Variants in COQ4 observed in about 807,000 individuals in gnomAD.
COQ4 encodes the protein ubiquinone biosynthesis protein COQ4 homolog, mitochondrial.
COQ4 carries 36 observed loss-of-function variants against 30.2 expected under a neutral mutation model. The observed-to-expected ratio is 1.19, with a 90% CI of 0.91 to 1.57. The LOEUF (loss-of-function observed/expected upper bound fraction) is 1.57, where lower values mean the gene tolerates loss of function less well. Among genes scored for constraint, COQ4 ranks in the 40% most tolerant of loss-of-function variants. The pLI is 0.00. For missense variants in COQ4, 369 were observed against 371.9 expected (o/e 0.99, Z 0.07); for synonymous variants, 197 against 161.0 (o/e 1.22, Z -1.69).
chr9:128,325,307 T>C (rs1413263833), intron 3 of COQ4, 68 bp downstream of exon 3: 5 of 1,124,536 alleles, frequency 4.4e-6, no homozygotes, highest in Non-Finnish European at 6.5e-6. Context: ...TAGAATCACA[T>C]TGTGTTTGTT....
intron 2 of COQ4, among the ~76,000 whole-genome samples, chr9:128,324,104 C>T (rs1832274517): frequency 6.6e-6 from 1 of 152,126 alleles, no homozygotes; most frequent in African/African-American, 2.4e-5. Flanking sequence ...GTGCCTCAGC[C>T]TCCTGAGTAG....
intron 5 of COQ4, 72 bp downstream of exon 5, chr9:128,332,354 C>A: frequency 2.0e-6 from 3 of 1,529,564 alleles, no homozygotes; most frequent in Non-Finnish European, 1.8e-6. Context: ...TTGCCTATCT[C>A]CACCACCCTC....
In COQ4 at chr9:128,333,323, G is replaced by A. The variant is rs75150331; in HGVS notation, c.627-151G>A. ...TTTGGGCTTGAGATTCCACCTCACT[G>A]AGCTCTGTTGCCTCATCTAAAAAGC... is the stretch of plus-strand genomic sequence containing the variant. On this transcript the variant is annotated intron_variant, in intron 6 of 6. Transcript: ENST00000300452. 4,378 of 654,794 alleles carry A rather than the reference G, an allele frequency of 6.7e-3. 39 individuals are homozygous for A. The highest frequency in any genetic ancestry group is 0.034 in the Middle Eastern group (81 of 2,370). 40.6% of individuals were successfully genotyped at this position (654,794 alleles called of 1,614,324 possible).
chr9:128,329,158 C>T (rs1025624555), intron 4 of COQ4, among the ~76,000 whole-genome samples: 3 of 152,144 alleles, frequency 2.0e-5, no homozygotes, highest in African/African-American at 7.2e-5. Context: ...CTTTACAAGC[C>T]TGGACAAATC....
At chr9:128,332,625 C>A in intron 5 of COQ4, 1 of 596,654 alleles carries the variant, frequency 1.7e-6, no homozygotes, top group African/African-American at 1.9e-5. Context: ...TCCTCTGCGC[C>A]CTGACCCCAG....
intron 4 of COQ4, among the ~76,000 whole-genome samples, chr9:128,328,164 G>A (rs190245286): frequency 4.9e-4 from 75 of 152,382 alleles, no homozygotes; most frequent in Middle Eastern, 3.4e-3. Context: ...GCTGGAAGGG[G>A]AGCCAGGGCT....
At chr9:128,332,498 A>G in intron 5 of COQ4, 1 of 605,310 alleles carries the variant, frequency 1.7e-6, no homozygotes, top group South Asian at 2.0e-5. Flanking sequence ...GCCCATCTTC[A>G]AGGCTCCTGG....
At position 128,325,176 on chromosome 9, in the gene COQ4, A is replaced by G; in HGVS notation, c.236A>G (p.His79Arg). 5.6e-6 allele frequency: 9 copies of G among 1,614,158 alleles called. No homozygotes were observed. The highest frequency in any genetic ancestry group is 7.6e-6 in the Non-Finnish European group (9 of 1,179,994). ...GCAGTTCTAGGGGAGACCACAGGACACCGCACCCTGAAGGTCCTCAGGGAC... is the reference window on the plus strand; with the variant it reads ...GCAGTTCTAGGGGAGACCACAGGACGCCGCACCCTGAAGGTCCTCAGGGAC... ...MVAVLGETTG[H>R]RTLKVLRDQM... is the part of the protein sequence containing the mutation. The change falls in exon 3 of 7, where the codon CAC (histidine) becomes CGC (arginine). Residue 79 changes from histidine (H) to arginine (R), a missense_variant. His to Arg is a conservative substitution (Grantham distance 29). Transcript: ENST00000300452.
chr9:128,323,932 G>A (rs1832269937), intron 2 of COQ4, among the ~76,000 whole-genome samples: 1 of 152,122 alleles, frequency 6.6e-6, no homozygotes, highest in African/African-American at 2.4e-5. Context: ...GCGACAGAGC[G>A]AGACCCTGTC....
chr9:128,323,134 C>T lies in COQ4; in HGVS notation c.189C>T (p.Asn63=), dbSNP rs773917013. The part of the protein sequence containing the change: ...AAGSAAMALY[N]PYRHDMVAVL... The stretch of plus-strand genomic sequence containing the variant: ...GCTCCGCGGCGATGGCGCTCTATAA[C>T]CCCTACCGCCACGGTAAGGCCGCCC... The change falls in exon 2 of 7, where the codon AAC becomes AAT. Residue 63 remains asparagine, a synonymous_variant. Transcript: ENST00000300452. 4.4e-6 allele frequency: 7 copies of T among 1,603,170 alleles called. No individual in the cohort carries two copies. Among genetic ancestry groups the T allele is most frequent in the Non-Finnish European group, 5.9e-6 (7 of 1,176,774 alleles).
intron 2 of COQ4, 149 bp from the exon 3 acceptor site, chr9:128,324,994 G>C (rs1832292888): frequency 6.6e-6 from 4 of 601,842 alleles, no homozygotes; most frequent in Middle Eastern, 2.6e-4. Flanking sequence ...TTGTGTGCTG[G>C]GTAATTTGCT....
chr9:128,327,853 G>A (rs2131227691), intron 4 of COQ4, among the ~76,000 whole-genome samples: 1 of 152,306 alleles, frequency 6.6e-6, no homozygotes, highest in East Asian at 1.9e-4. Flanking sequence ...GGATACAGTG[G>A]ACAAAACCAG....
At chr9:128,324,356 C>T (rs191473326) in intron 2 of COQ4, among the ~76,000 whole-genome samples, 2 of 152,152 alleles carry the variant, frequency 1.3e-5, no homozygotes, top group Admixed American at 6.5e-5. Flanking sequence ...AACTCTTGGC[C>T]TCAAGTGATC....
rs1437205038 is a variant in COQ4 at position 128,333,622 on chromosome 9, A to G, written c.775A>G (p.Met259Val). The G allele has an allele frequency of 2.5e-6, 4 of 1,583,764 alleles. No individual in the cohort carries two copies. The highest frequency in any genetic ancestry group is 2.7e-5 in the African/African-American group (2 of 73,620). Residue 259 changes from methionine (M) to valine (V), a missense_variant, in exon 7 of 7, where the codon ATG becomes GTG. Met to Val is a conservative substitution (Grantham distance 21). Transcript: ENST00000300452. ...GGAGCTGGGCATTACAGCACCACCC[A>G]TGCACGTCCAGGGCTTGGCCTGAGC... is the stretch of plus-strand genomic sequence containing the variant. ...REELGITAPP[M>V]HVQGLA is the part of the protein sequence containing the mutation.
At chr9:128,332,589 T>G in intron 5 of COQ4, 1 of 584,634 alleles carries the variant, frequency 1.7e-6, no homozygotes, top group Non-Finnish European at 3.0e-6. Flanking sequence ...CCTGGAGTGT[T>G]TAGCCTGGCT....
At chr9:128,332,431 T>C (rs1832430896) in intron 5 of COQ4, 149 bp downstream of exon 5, 4 of 829,022 alleles carry the variant, frequency 4.8e-6, no homozygotes, top group Non-Finnish European at 7.5e-6. Flanking sequence ...CTTTGCCACA[T>C]GTCCCCCTTC....
rs145061462 is a variant in COQ4 at position 128,334,045 on chromosome 9, G to T, written c.*400G>T. On this transcript the variant is annotated 3_prime_UTR_variant, in exon 7 of 7. Coordinates refer to ENST00000300452, the MANE Select transcript of COQ4 (RefSeq NM_016035.5). ...GAGAGAAGTGGAGGGGGAGGCGAGT[G>T]TGTGAATAAAGGCTCCCATCAGGTC... 1.1e-4 allele frequency: 17 copies of T among 157,246 alleles called. 1 individual carries two copies. In the East Asian group the frequency reaches 1.7e-3, roughly 16 times the overall value. 9.7% of individuals were successfully genotyped at this position (157,246 alleles called of 1,614,324 possible). A position where few individuals can be genotyped will look rare whatever the true frequency, so the allele number is the denominator to read the frequency against.
rs1296456757 is a variant in COQ4, at chr9:128,322,883, C to T, written c.25C>T (p.Leu9Phe). The change falls in exon 1 of 7, where the codon CTC becomes TTC. Residue 9 changes from leucine (L) to phenylalanine (F), a missense_variant. By Grantham distance (22) the Leu-to-Phe change is conservative. Coordinates refer to ENST00000300452, the MANE Select transcript of COQ4 (RefSeq NM_016035.5). MATLLRPV[L>F]RRLCGLPGLQ... ...CATGGCGACTCTGCTGCGCCCTGTCCTCCGTCGGCTCTGCGGGCTCCCGGG... is the reference window on the plus strand; with the variant it reads ...CATGGCGACTCTGCTGCGCCCTGTCTTCCGTCGGCTCTGCGGGCTCCCGGG... 4 of 1,586,432 alleles carry T rather than the reference C, an allele frequency of 2.5e-6. No individual in the cohort carries two copies. Among genetic ancestry groups the T allele is most frequent in the East Asian group, 2.3e-5 (1 of 43,750 alleles).
chr9:128,327,315 C>T (rs1281842321), intron 4 of COQ4, among the ~76,000 whole-genome samples: 2 of 151,592 alleles, frequency 1.3e-5, no homozygotes, highest in East Asian at 2.0e-4. Flanking sequence ...TGATGGTGTG[C>T]GCCTGTAATC....
Sources: allele counts gnomAD v4.1 joint callset (sites outside exome capture counted in the v4.1 genomes callset), GRCh38; gene constraint gnomAD v4.1.1; transcripts MANE v1.5; gene names NCBI Gene and HGNC (gene_info 2026-07-23, HGNC 2026-07-21).